ARAP2: variants seen among roughly 807,000 people sequenced by gnomAD.
ARAP2 encodes the protein ArfGAP with RhoGAP domain, ankyrin repeat and PH domain 2, also known as arf-GAP with Rho-GAP domain, ANK repeat and PH domain-containing protein 2.
In ARAP2, 148 loss-of-function variants were observed where a neutral mutation model predicts 194.5. That is an observed-to-expected ratio of 0.76 (90% CI 0.67 to 0.87). ARAP2 has a LOEUF of 0.87. Ranked by LOEUF, ARAP2 falls within the 40% of genes least tolerant of loss-of-function variation. The pLI, the probability that ARAP2 is intolerant of heterozygous loss-of-function variation, is 0.00. For synonymous variants in ARAP2, 695 were observed against 683.5 expected (o/e 1.02, Z -0.26); for missense variants, 2,128 against 1,989.7 (o/e 1.07, Z -1.32).
At chr4:36,110,872 T>C (rs184589634) in intron 26 of ARAP2, among the ~76,000 whole-genome samples, 1 of 152,060 alleles carries the variant, frequency 6.6e-6, no homozygotes, top group Admixed American at 6.6e-5. Flanking sequence ...TCCATGGTGA[T>C]TCCATTTACA....
chr4:36,104,558 G>A (rs551335685), intron 27 of ARAP2, among the ~76,000 whole-genome samples: 4 of 151,966 alleles, frequency 2.6e-5, no homozygotes, highest in Admixed American at 2.6e-4. Context: ...CCCATAAGAG[G>A]TATTAATAAA....
chr4:36,238,696 T>A lies in ARAP2; in HGVS notation c.-160+5483A>T, dbSNP rs185635751. Reference sequence around the variant, plus strand: ...AAGCCTACATTCATTTACATTTAATTGCCTGAGAGTTGAGAGCCAATGACA... The same window carrying A: ...AAGCCTACATTCATTTACATTTAATAGCCTGAGAGTTGAGAGCCAATGACA... On this transcript the variant is annotated intron_variant, in intron 1 of 32. Transcript: ENST00000303965. Among the ~76,000 whole-genome samples the A allele has an allele frequency of 1.3e-3, 191 of 152,354 alleles. 1 individual carries two copies. The highest frequency in any genetic ancestry group is 4.2e-3 in the African/African-American group (175 of 41,576).
intron 26 of ARAP2, among the ~76,000 whole-genome samples, chr4:36,109,903 T>C (rs1476175297): frequency 1.5e-5 from 2 of 130,230 alleles, no homozygotes; most frequent in African/African-American, 5.9e-5. Flanking sequence ...TGAGATACTA[T>C]TGATCCCAAT....
chr4:36,148,323 T>C, intron 17 of ARAP2, 82 bp downstream of exon 17: 2 of 1,007,752 alleles, frequency 2.0e-6, no homozygotes, highest in South Asian at 3.3e-5. Flanking sequence ...TATAAAACTT[T>C]CATGGACCCC....
intron 5 of ARAP2, among the ~76,000 whole-genome samples, chr4:36,042,945 C>A (rs934702440): frequency 1.3e-5 from 2 of 151,758 alleles, no homozygotes; most frequent in African/African-American, 4.8e-5. Context: ...CAGGTTCAAG[C>A]AATTCTCCTG....
chr4:36,007,127 A>C (rs1432462636), intron 9 of ARAP2: 1 of 152,160 alleles, frequency 6.6e-6, no homozygotes, highest in East Asian at 1.9e-4. Flanking sequence ...AAAATATCTA[A>C]ACATGATGGA....
intron 11 of ARAP2, among the ~76,000 whole-genome samples, chr4:36,162,561 C>G (rs917084221): frequency 6.7e-6 from 1 of 149,182 alleles, no homozygotes; most frequent in Non-Finnish European, 1.5e-5. Flanking sequence ...TAATGAACAA[C>G]GAATGTTCAT....
chr4:36,156,399 GAAA>G (rs1230336310), intron 15 of ARAP2, among the ~76,000 whole-genome samples: 15 of 12,978 alleles, frequency 1.2e-3, no homozygotes, highest in Non-Finnish European at 1.9e-3. Context: ...GAGAAAGAAA[GAAA>G]GAAAGAAAGA....
Position 36,128,662 on chromosome 4 carries a change from T to C in ARAP2, c.3511A>G (p.Arg1171Gly). The change falls in exon 21 of 33, where the codon AGA becomes GGA. Residue 1171 changes from arginine (R) to glycine (G), a missense_variant. By Grantham distance (125) the Arg-to-Gly change is moderately radical (BLOSUM62 -2). Coordinates refer to ENST00000303965, the MANE Select transcript of ARAP2 (RefSeq NM_015230.4). ...ELLESFKKDA[R>G]SFKLRAGKHQ... ...TTTCCAGCCCTCAATTTAAAGCTTC[T>C]TGCATCCTTTTTGAAACTCTCCAGG... The C allele has an allele frequency of 1.2e-6, 2 of 1,612,936 alleles. No homozygotes were observed. Among genetic ancestry groups the C allele is most frequent in the South Asian group, 1.1e-5 (1 of 91,060 alleles).
At chr4:36,042,289 A>G (rs549036831) in intron 5 of ARAP2, among the ~76,000 whole-genome samples, 6 of 152,354 alleles carry the variant, frequency 3.9e-5, no homozygotes, top group Non-Finnish European at 7.3e-5. Flanking sequence ...ATGTAAAATT[A>G]GAAGCACTAA....
intron 8 of ARAP2, among the ~76,000 whole-genome samples, chr4:36,014,313 A>AGAAGAGAAG (rs1715288010): frequency 1.3e-5 from 1 of 75,346 alleles, no homozygotes; most frequent in African/African-American, 5.0e-5. Flanking sequence ...AAGGAAGGAA[A>AGAAGAGAAG]GAAAGAAAGA....
intron 9 of ARAP2, among the ~76,000 whole-genome samples, chr4:36,169,213 A>C (rs1735992864): frequency 6.6e-6 from 1 of 152,248 alleles, no homozygotes; most frequent in African/African-American, 2.4e-5. Context: ...TCCTTCAAAC[A>C]ATCCTCCATA....
At chr4:36,139,793 G>A (rs1468519856) in intron 19 of ARAP2, among the ~76,000 whole-genome samples, 1 of 151,560 alleles carries the variant, frequency 6.6e-6, no homozygotes, top group Non-Finnish European at 1.5e-5. Flanking sequence ...CTACTGTGAA[G>A]TATGGCTTAT....
exon 9 of ARAP2, chr4:36,012,604 G>A (rs1714765756): frequency 6.6e-6 from 1 of 152,148 alleles, no homozygotes; most frequent in African/African-American, 2.4e-5. Context: ...TCTTCAAAAT[G>A]TAAAGCTCCT....
At position 36,137,644 on chromosome 4, in the gene ARAP2, T is replaced by C. The variant is rs185315483; in HGVS notation, c.3264-4255A>G. On this transcript the variant is annotated intron_variant, in intron 19 of 32. Coordinates refer to ENST00000303965, the MANE Select transcript of ARAP2 (RefSeq NM_015230.4). ...GAGAACTGGAAATATCTCTGCCAAG[T>C]TTTTTTTTCCATATATGACTAGGAA... Among the ~76,000 whole-genome samples, 5 of 149,646 alleles carry C rather than the reference T, an allele frequency of 3.3e-5. No individual in the cohort carries two copies. In the East Asian group the frequency reaches 9.8e-4, roughly 29 times the overall value.
At chr4:36,031,414 C>G (rs1396081321) in intron 5 of ARAP2, among the ~76,000 whole-genome samples, 1 of 152,130 alleles carries the variant, frequency 6.6e-6, no homozygotes, top group Non-Finnish European at 1.5e-5. Flanking sequence ...TTCACTCACT[C>G]CTCTTTTACT....
chr4:36,094,302 T>A (rs1368117979), intron 27 of ARAP2, among the ~76,000 whole-genome samples: 3 of 152,188 alleles, frequency 2.0e-5, no homozygotes, highest in Non-Finnish European at 1.5e-5. Context: ...TTATGTACTA[T>A]CTGTGGCTGC....
At chr4:36,085,437 C>G (rs1315406519) in intron 28 of ARAP2, among the ~76,000 whole-genome samples, 1 of 151,824 alleles carries the variant, frequency 6.6e-6, no homozygotes, top group Admixed American at 6.6e-5. Flanking sequence ...TTATTCTACC[C>G]CAATTTATGG....
At chr4:36,236,892 T>C (rs1752549643) in intron 1 of ARAP2, among the ~76,000 whole-genome samples, 1 of 152,246 alleles carries the variant, frequency 6.6e-6, no homozygotes, top group Non-Finnish European at 1.5e-5. Flanking sequence ...CAATTCTCTA[T>C]AATTGATCAG....
Sources: allele counts gnomAD v4.1 joint callset (sites outside exome capture counted in the v4.1 genomes callset), GRCh38; gene constraint gnomAD v4.1.1; transcripts MANE v1.5; gene names NCBI Gene and HGNC (gene_info 2026-07-23, HGNC 2026-07-21).